Variants in CHRNG observed in about 807,000 individuals in gnomAD.
CHRNG encodes acetylcholine receptor subunit gamma.
CHRNG carries 72 observed loss-of-function variants against 65.2 expected under a neutral mutation model. The ratio of observed to expected loss-of-function variants is 1.10; its 90% CI spans 0.91 to 1.34. The LOEUF (loss-of-function observed/expected upper bound fraction) is 1.34. Among genes scored for constraint, CHRNG ranks in the 40% most tolerant of loss-of-function variants. The pLI is 0.00. For synonymous variants in CHRNG, 284 were observed against 290.2 expected (o/e 0.98, Z 0.22); for missense variants, 637 against 680.1 (o/e 0.94, Z 0.70).
chr2:232,544,302 C>A, intron 9 of CHRNG, 65 bp from the exon 10 acceptor site: 1 of 1,276,476 alleles, frequency 7.8e-7, no homozygotes, highest in African/African-American at 1.5e-5. Flanking sequence ...AAGCCCTTCA[C>A]GCCAACCTCT....
rs900008124 is a variant in CHRNG, at chr2:232,541,047, C to T, written c.351-327C>T. Among the ~76,000 whole-genome samples, 7 of 152,170 alleles carry T rather than the reference C, an allele frequency of 4.6e-5. No individual in the cohort carries two copies. In the South Asian group the frequency reaches 1.0e-3, roughly 23 times the overall value. On this transcript the variant is annotated intron_variant, in intron 4 of 11. Coordinates refer to ENST00000651502, the MANE Select transcript of CHRNG (RefSeq NM_005199.5). The surrounding 1 kb of genome is among the most constrained non-coding windows in gnomAD (Gnocchi z 4.0). ...AGACAGGCATGAAAAGTGCATCACT[C>T]GGGGGCTGGCACATGGTGTGGGCTT...
At position 232,539,693 on chromosome 2, in the gene CHRNG, C is replaced by A; in HGVS notation, c.-55C>A. 1.3e-6 allele frequency: 2 copies of A among 1,569,778 alleles called. No homozygotes were observed. The highest frequency in any genetic ancestry group is 8.8e-7 in the Non-Finnish European group (1 of 1,141,740). On this transcript the variant is annotated 5_prime_UTR_variant, in exon 1 of 12. Coordinates refer to ENST00000651502, the MANE Select transcript of CHRNG (RefSeq NM_005199.5). ...GACACCCAGAGCCCATCTCTCTCTG[C>A]CCCAGACCTTGGAGCTGTTGTCCCA... is the stretch of plus-strand genomic sequence containing the variant.
chr2:232,545,709 C>G lies in CHRNG; in HGVS notation c.1547C>G (p.Pro516Arg). Residue 516 changes from proline to arginine, a missense_variant, in exon 12 of 12, where the codon CCA (proline) becomes CGA (arginine). Coordinates refer to ENST00000651502, the MANE Select transcript of CHRNG (RefSeq NM_005199.5). ...GATCCACGCCCCTACCTGCCCTCAC[C>G]AGACTGAGCCAACCAACCACTGTGG... ...PGDPRPYLPSPD is the reference protein window; with the variant it reads ...PGDPRPYLPSRD 6.2e-7 allele frequency: 1 copy of G among 1,614,158 alleles called. No individual in the cohort carries two copies. Among genetic ancestry groups the G allele is most frequent in the East Asian group, 2.2e-5 (1 of 44,886 alleles).
chr2:232,543,482 C>CT, intron 8 of CHRNG, 93 bp downstream of exon 8: 4 of 1,159,962 alleles, frequency 3.4e-6, no homozygotes, highest in Admixed American at 4.1e-5. Context: ...CTCCATCCAC[C>CT]CCCCCCATCC....
At position 232,541,244 on chromosome 2, in the gene CHRNG, G is replaced by A; in HGVS notation, c.351-130G>A. The stretch of plus-strand genomic sequence containing the variant: ...TAGTGGTCCGGGTGGGAACCAGTCA[G>A]GGGGTGACAGGCTGGTAGGGACTGG... On this transcript the variant is annotated intron_variant, in intron 4 of 11. Transcript: ENST00000651502. The surrounding 1 kb of genome is among the most constrained non-coding windows in gnomAD (Gnocchi z 4.0). 1 of 1,166,184 alleles carries A rather than the reference G, an allele frequency of 8.6e-7. No individual in the cohort carries two copies. Among genetic ancestry groups the A allele is most frequent in the Non-Finnish European group, 1.3e-6 (1 of 787,764 alleles). 72.2% of individuals were successfully genotyped at this position (1,166,184 alleles called of 1,614,324 possible). A position where few individuals can be genotyped will look rare whatever the true frequency, so the allele number is the denominator to read the frequency against.
At chr2:232,543,126 A>T (rs1210929507) in intron 7 of CHRNG, 44 bp downstream of exon 7, 4 of 1,595,376 alleles carry the variant, frequency 2.5e-6, no homozygotes, top group Non-Finnish European at 3.4e-6. Flanking sequence ...AGCACAGGGG[A>T]CACCTGGGAG....
chr2:232,542,552 C>T, intron 6 of CHRNG, 32 bp downstream of exon 6: 5 of 1,466,596 alleles, frequency 3.4e-6, no homozygotes, highest in Non-Finnish European at 4.8e-6. Flanking sequence ...CCCAGGCAGC[C>T]TCATCCAGGG....
At position 232,539,735 on chromosome 2, in the gene CHRNG, G is replaced by A; in HGVS notation, c.-13G>A. On this transcript the variant is annotated 5_prime_UTR_variant, in exon 1 of 12. Coordinates refer to ENST00000651502, the MANE Select transcript of CHRNG (RefSeq NM_005199.5). ...GTTGTCCCACCCCTGTCACTGCAGA[G>A]AGCTGAGGCACCATGCATGGGGGCC... The A allele has an allele frequency of 6.2e-7, 1 of 1,613,758 alleles. No individual in the cohort carries two copies. The highest frequency in any genetic ancestry group is 8.5e-7 in the Non-Finnish European group (1 of 1,179,916).
In CHRNG at chr2:232,545,536, C is replaced by A. The variant is rs749647602; in HGVS notation, c.1381-7C>A. 1.5e-4 allele frequency: 239 copies of A among 1,613,230 alleles called. 5 individuals are homozygous for A. In the South Asian group the frequency reaches 2.4e-3, roughly 16 times the overall value. ...CTGGTTATCCCACACCTGCCTCCCACCCTCAGGGGAATGAGGAGTGGTTCC... is the reference window on the plus strand; with the variant it reads ...CTGGTTATCCCACACCTGCCTCCCAACCTCAGGGGAATGAGGAGTGGTTCC... On this transcript the variant is annotated splice_polypyrimidine_tract_variant and splice_region_variant and intron_variant, in intron 11 of 11. Transcript: ENST00000651502.
Position 232,541,244 on chromosome 2 carries a change from G to C in CHRNG, c.351-130G>C, listed in dbSNP as rs369414736. ...TAGTGGTCCGGGTGGGAACCAGTCA[G>C]GGGGTGACAGGCTGGTAGGGACTGG... is the stretch of plus-strand genomic sequence containing the variant. On this transcript the variant is annotated intron_variant, in intron 4 of 11. Transcript: ENST00000651502. The surrounding 1 kb of genome is among the most constrained non-coding windows in gnomAD (Gnocchi z 4.0). The C allele has an allele frequency of 2.3e-5, 27 of 1,166,184 alleles. No homozygotes were observed. The highest frequency in any genetic ancestry group is 1.9e-4 in the East Asian group (8 of 42,214). The allele number at this position is 1,166,184 out of a possible 1,614,324, so 72.2% of individuals were successfully genotyped here.
intron 5 of CHRNG, among the ~76,000 whole-genome samples, chr2:232,542,040 T>C (rs978398255): frequency 6.6e-6 from 1 of 152,122 alleles, no homozygotes; most frequent in Admixed American, 6.5e-5. Flanking sequence ...GAGCAGTCTT[T>C]CCATGAGCAA....
rs145847096 is a variant in CHRNG at position 232,543,031 on chromosome 2, T to C, written c.754T>C (p.Cys252Arg). The change falls in exon 7 of 12, where the codon TGT becomes CGT. Residue 252 changes from cysteine to arginine, a missense_variant. Cys to Arg is a radical substitution (Grantham distance 180). Transcript: ENST00000651502. ...LFYVINIIAP[C>R]VLISSVAILI... is the part of the protein sequence containing the mutation. ...CTACGTCATCAACATCATCGCCCCC[T>C]GTGTGCTCATCTCCTCTGTCGCCAT... is the stretch of plus-strand genomic sequence containing the variant. 1.4e-4 allele frequency: 229 copies of C among 1,613,424 alleles called. No homozygotes were observed. Among genetic ancestry groups the C allele is most frequent in the Non-Finnish European group, 1.9e-4 (222 of 1,179,542 alleles).
Position 232,540,153 on chromosome 2 carries a change from G to A in CHRNG, c.195+22G>A, listed in dbSNP as rs767374667. On this transcript the variant is annotated intron_variant, in intron 2 of 11. Coordinates refer to ENST00000651502, the MANE Select transcript of CHRNG (RefSeq NM_005199.5). This position sits in a 1 kb window ranked among gnomAD's most constrained non-coding sequence, Gnocchi z 4.2. Reference sequence around the variant, plus strand: ...CCTGGTAAGCCGCAGGACGGAGGAGGGGTCAGCGCACCACGCCCTGGGACC... The same window carrying A: ...CCTGGTAAGCCGCAGGACGGAGGAGAGGTCAGCGCACCACGCCCTGGGACC... 6.2e-7 allele frequency: 1 copy of A among 1,614,128 alleles called. No homozygotes were observed. The highest frequency in any genetic ancestry group is 2.2e-5 in the East Asian group (1 of 44,868).
rs770737982 is a variant in CHRNG, at chr2:232,540,447, C to G, written c.240+22C>G. 7 of 1,613,218 alleles carry G rather than the reference C, an allele frequency of 4.3e-6. No homozygotes were observed. The South Asian group carries it at 4.4e-5, about 10-fold the overall frequency. On this transcript the variant is annotated intron_variant, in intron 3 of 11. Coordinates refer to ENST00000651502, the MANE Select transcript of CHRNG (RefSeq NM_005199.5). The surrounding 1 kb of genome is among the most constrained non-coding windows in gnomAD (Gnocchi z 4.2). Reference sequence around the variant, plus strand: ...GATGGTAAGAGGCCACCCTGCCACCCTCCTTCCATCAGGGGTCCCACCCCA... The same window carrying G: ...GATGGTAAGAGGCCACCCTGCCACCGTCCTTCCATCAGGGGTCCCACCCCA...
At position 232,541,346 on chromosome 2, in the gene CHRNG, C is replaced by A. The variant is rs199724725; in HGVS notation, c.351-28C>A. The A allele has an allele frequency of 6.2e-7, 1 of 1,613,732 alleles. No individual in the cohort carries two copies. Among genetic ancestry groups the A allele is most frequent in the Admixed American group, 1.7e-5 (1 of 60,004 alleles). ...GTGTCGGGGGCTGAGCCCACAGCCT[C>A]GTGGCCTGGCCTGTTCTGTGCATAC... On this transcript the variant is annotated intron_variant, in intron 4 of 11. Coordinates refer to ENST00000651502, the MANE Select transcript of CHRNG (RefSeq NM_005199.5). This position sits in a 1 kb window ranked among gnomAD's most constrained non-coding sequence, Gnocchi z 4.0.
Position 232,543,275 on chromosome 2 carries a change from C to CT in CHRNG, c.807dup (p.Gly270TrpfsTer28), listed in dbSNP as rs778176530. 1.2e-5 allele frequency: 20 copies of CT among 1,613,086 alleles called. No homozygotes were observed. Among genetic ancestry groups the CT allele is most frequent in the Non-Finnish European group, 1.7e-5 (20 of 1,179,102 alleles). On this transcript the variant is annotated frameshift_variant and splice_region_variant, in exon 8 of 12. Coordinates refer to ENST00000651502, the MANE Select transcript of CHRNG (RefSeq NM_005199.5). LOFTEE classifies it high-confidence loss of function. ...CTGAGAGCCTCTCGGTCATGGATAGCTGGGGGCCAGAAGTGTACCGTCGCC... is the reference window on the plus strand; with the variant it reads ...CTGAGAGCCTCTCGGTCATGGATAGCTTGGGGGCCAGAAGTGTACCGTCGCC...
rs1420789077 is a variant in CHRNG at position 232,542,527 on chromosome 2, C to T, written c.604+7C>T. On this transcript the variant is annotated splice_region_variant and intron_variant, in intron 6 of 11. Coordinates refer to ENST00000651502, the MANE Select transcript of CHRNG (RefSeq NM_005199.5). ...GACCCTGAGGCCTTCACAGGTAACCCCCACCCAAGGGCTCCCCAGGCAGCC... is the reference window on the plus strand; with the variant it reads ...GACCCTGAGGCCTTCACAGGTAACCTCCACCCAAGGGCTCCCCAGGCAGCC... 6.2e-7 allele frequency: 1 copy of T among 1,601,328 alleles called. No homozygotes were observed. The highest frequency in any genetic ancestry group is 8.6e-7 in the Non-Finnish European group (1 of 1,168,612).
intron 8 of CHRNG, 51 bp from the exon 9 acceptor site, chr2:232,543,534 G>T: frequency 7.5e-7 from 1 of 1,327,040 alleles, no homozygotes; most frequent in Non-Finnish European, 1.1e-6. Flanking sequence ...CTAAGCGTGG[G>T]GGTGGCATCA....
At chr2:232,542,053 C>G (rs1336714737) in intron 5 of CHRNG, among the ~76,000 whole-genome samples, 1 of 152,170 alleles carries the variant, frequency 6.6e-6, no homozygotes, top group East Asian at 1.9e-4. Flanking sequence ...ATGAGCAAAC[C>G]TGGCAGGGAG....
Sources: gnomAD v4.1 joint callset for allele counts (sites outside exome capture counted in the v4.1 genomes callset) on GRCh38, gnomAD v4.1.1 for gene constraint, Gnocchi (gnomAD v3.1) non-coding constraint, MANE v1.5 for transcripts, NCBI Gene and HGNC (gene_info 2026-07-23, HGNC 2026-07-21) for gene names.